The following RAB10 variants were observed in gnomAD, a reference collection of about 807,000 sequenced individuals.
The protein encoded by RAB10 is RAB10, member RAS oncogene family.
Under a neutral mutation model 25.7 loss-of-function variants are expected in RAB10, and 5 were observed. The ratio of observed to expected loss-of-function variants is 0.19; its 90% CI spans 0.10 to 0.41. RAB10 has a LOEUF of 0.41. RAB10 is among the 10% of genes least tolerant of loss of function. RAB10 has a pLI of 1.00. For synonymous variants in RAB10, 89 were observed against 86.4 expected (o/e 1.03, Z -0.16); for missense variants, 103 against 245.8 (o/e 0.42, Z 3.89).
intron 1 of RAB10, among the ~76,000 whole-genome samples, chr2:26,093,511 T>C (rs749147631): frequency 4.3e-4 from 65 of 152,216 alleles, no homozygotes; most frequent in Non-Finnish European, 7.8e-4. Flanking sequence ...TTAGGTCTGT[T>C]TATGTATTTA....
chr2:26,122,722 A>G, intron 3 of RAB10, among the ~76,000 whole-genome samples: 1 of 152,222 alleles, frequency 6.6e-6, no homozygotes, highest in East Asian at 1.9e-4. Context: ...ACGGAAGAGA[A>G]GCTAGAGGAG....
At chr2:26,086,430 CTATT>C (rs1666989418) in intron 1 of RAB10, among the ~76,000 whole-genome samples, 1 of 152,176 alleles carries the variant, frequency 6.6e-6, no homozygotes, top group African/African-American at 2.4e-5. Flanking sequence ...ACTAGGATGG[CTATT>C]TAAAAACACA....
chr2:26,103,967 T>G (rs1034864936), intron 2 of RAB10, among the ~76,000 whole-genome samples: 9 of 152,350 alleles, frequency 5.9e-5, no homozygotes, highest in African/African-American at 2.2e-4. Context: ...ATATACCACA[T>G]TTTATTTATC....
At chr2:26,070,557 C>G (rs1245593112) in intron 1 of RAB10, among the ~76,000 whole-genome samples, 1 of 152,126 alleles carries the variant, frequency 6.6e-6, no homozygotes, top group African/African-American at 2.4e-5. Flanking sequence ...AGAGGGCAAG[C>G]TATGTAGGTA....
At chr2:26,089,192 A>G (rs1181304982) in intron 1 of RAB10, among the ~76,000 whole-genome samples, 4 of 151,834 alleles carry the variant, frequency 2.6e-5, no homozygotes, top group African/African-American at 9.7e-5. Flanking sequence ...TGGGAGGCCA[A>G]GGTGGGTGGA....
intron 3 of RAB10, among the ~76,000 whole-genome samples, chr2:26,119,702 G>A (rs1210731551): frequency 1.3e-5 from 2 of 152,064 alleles, no homozygotes; most frequent in Non-Finnish European, 2.9e-5. Flanking sequence ...TTATTTTTGT[G>A]GTGATGGGGT....
chr2:26,087,931 C>T (rs1289382960), intron 1 of RAB10, among the ~76,000 whole-genome samples: 3 of 152,130 alleles, frequency 2.0e-5, no homozygotes, highest in Non-Finnish European at 4.4e-5. Context: ...GAAACAAATA[C>T]CCATATTGGA....
intron 1 of RAB10, among the ~76,000 whole-genome samples, chr2:26,063,744 G>A (rs182465406): frequency 2.0e-5 from 3 of 152,216 alleles, no homozygotes; most frequent in Non-Finnish European, 2.9e-5. Context: ...AGATCCAGTC[G>A]TTACATTGAC....
In RAB10 at chr2:26,132,200, T is replaced by TA. The variant is rs1379218269; in HGVS notation, c.520-2732dup. On this transcript the variant is annotated intron_variant, in intron 5 of 5. Coordinates refer to ENST00000264710, the MANE Select transcript of RAB10 (RefSeq NM_016131.5). ...TCAGATCTTTCCCAGTCTAACAGGT[T>TA]AAAAAATGTAGATTTAATTCGCAGG... 3.3e-5 allele frequency among the ~76,000 whole-genome samples: 5 copies of TA among 152,372 alleles called. No homozygotes were observed. In the East Asian group the frequency reaches 5.8e-4, roughly 18 times the overall value.
chr2:26,067,105 C>T lies in RAB10; in HGVS notation c.128-31557C>T, dbSNP rs563294346. Among the ~76,000 whole-genome samples the T allele has an allele frequency of 7.9e-5, 12 of 151,956 alleles. 1 individual carries two copies. The highest frequency in any genetic ancestry group is 3.9e-4 in the East Asian group (2 of 5,164). On this transcript the variant is annotated intron_variant, in intron 1 of 5. Transcript: ENST00000264710. ...CTATTTTTTGTATTTTTTGTAGAGACGGGGTCTCCCTATGTTGCCCAAGCA... is the reference window on the plus strand; with the variant it reads ...CTATTTTTTGTATTTTTTGTAGAGATGGGGTCTCCCTATGTTGCCCAAGCA...
intron 2 of RAB10, among the ~76,000 whole-genome samples, chr2:26,106,879 T>C (rs1338142865): frequency 6.6e-6 from 1 of 151,538 alleles, no homozygotes; most frequent in Admixed American, 6.6e-5. Context: ...AGCAAGACTC[T>C]GTCTCAAAAA....
intron 1 of RAB10, among the ~76,000 whole-genome samples, chr2:26,089,790 A>G (rs1048795371): frequency 1.3e-5 from 2 of 152,058 alleles, no homozygotes; most frequent in African/African-American, 4.8e-5. Context: ...TATTCCTGGC[A>G]CCTCTTTCTT....
At chr2:26,046,551 A>G (rs952556630) in intron 1 of RAB10, among the ~76,000 whole-genome samples, 5 of 152,154 alleles carry the variant, frequency 3.3e-5, no homozygotes, top group African/African-American at 1.2e-4. Flanking sequence ...ATGGAATGCT[A>G]CATTTCTTTT....
chr2:26,046,101 G>A (rs1013576487), intron 1 of RAB10, among the ~76,000 whole-genome samples: 7 of 152,196 alleles, frequency 4.6e-5, no homozygotes, highest in African/African-American at 1.7e-4. Context: ...AAGGCCGGTG[G>A]ATCACCTGAG....
chr2:26,107,685 A>ATCCTCAG (rs1667493404), intron 2 of RAB10, among the ~76,000 whole-genome samples: 8 of 151,818 alleles, frequency 5.3e-5, no homozygotes, highest in Non-Finnish European at 4.4e-5. Context: ...GATCCCAGCT[A>ATCCTCAG]CTTGGGAGGC....
intron 1 of RAB10, among the ~76,000 whole-genome samples, chr2:26,090,175 TAGAA>T (rs1667072917): frequency 6.6e-6 from 1 of 152,178 alleles, no homozygotes; most frequent in Admixed American, 6.5e-5. Context: ...AGTGCTATCT[TAGAA>T]AGGATGCATG....
chr2:26,112,604 CAAAA>C (rs1667597089), intron 3 of RAB10, among the ~76,000 whole-genome samples: 1 of 152,042 alleles, frequency 6.6e-6, no homozygotes, highest in Non-Finnish European at 1.5e-5. Flanking sequence ...ACCCAGGTAT[CAAAA>C]AGGAAAATTG....
intron 1 of RAB10, among the ~76,000 whole-genome samples, chr2:26,058,289 G>A (rs1203017087): frequency 6.6e-6 from 1 of 152,016 alleles, no homozygotes; most frequent in East Asian, 1.9e-4. Flanking sequence ...TGACAAGGGG[G>A]CACCTATAAT....
chr2:26,116,617 C>T (rs1261511799), intron 3 of RAB10, among the ~76,000 whole-genome samples: 2 of 137,250 alleles, frequency 1.5e-5, no homozygotes, highest in African/African-American at 5.4e-5. Flanking sequence ...AGTGCAGTGG[C>T]GCTGTCTCAG....
Sources: gnomAD v4.1 joint callset for allele counts (sites outside exome capture counted in the v4.1 genomes callset) on GRCh38, gnomAD v4.1.1 for gene constraint, MANE v1.5 for transcripts, NCBI Gene and HGNC (gene_info 2026-07-23, HGNC 2026-07-21) for gene names.